Variants in PDCD6IP observed in about 807,000 individuals in gnomAD.
The protein encoded by PDCD6IP is programmed cell death 6-interacting protein.
PDCD6IP carries 43 observed loss-of-function variants against 103.7 expected under a neutral mutation model. The observed-to-expected ratio is 0.41, with a 90% CI of 0.32 to 0.53. PDCD6IP has a LOEUF of 0.53. PDCD6IP is among the 20% of genes least tolerant of loss of function. PDCD6IP has a pLI of 0.16. For missense variants in PDCD6IP, 871 were observed against 1,036.7 expected (o/e 0.84, Z 2.20); for synonymous variants, 354 against 378.7 (o/e 0.93, Z 0.76).
intron 3 of PDCD6IP, among the ~76,000 whole-genome samples, chr3:33,817,816 TA>T (rs1696888036): frequency 6.6e-6 from 1 of 151,854 alleles, no homozygotes; most frequent in Non-Finnish European, 1.5e-5. Context: ...AGAATACAGT[TA>T]AATACTTAGA....
intron 1 of PDCD6IP, among the ~76,000 whole-genome samples, chr3:33,802,361 GAC>G (rs1696494582): frequency 6.6e-6 from 1 of 152,158 alleles, no homozygotes; most frequent in African/African-American, 2.4e-5. Context: ...CAGCTAAAGG[GAC>G]ACAGTTTTGT....
chr3:33,813,286 TC>T (rs1217065380), intron 2 of PDCD6IP: 29 of 253,848 alleles, frequency 1.1e-4, no homozygotes, highest in Non-Finnish European at 1.3e-4. Flanking sequence ...CTTATTTTGT[TC>T]CGTTGAAGTC....
At position 33,841,781 on chromosome 3, in the gene PDCD6IP, G is replaced by A. The variant is rs183753874; in HGVS notation, c.1182-116G>A. 37 of 728,948 alleles carry A rather than the reference G, an allele frequency of 5.1e-5. No individual in the cohort carries two copies. The African/African-American group carries it at 5.8e-4, about 12-fold the overall frequency. The allele number at this position is 728,948 out of a possible 1,614,324, so 45.2% of individuals were successfully genotyped here. On this transcript the variant is annotated intron_variant, in intron 9 of 17. Transcript: ENST00000307296. ...GATAGGGCTTATCCAGTTTTTCTGG[G>A]TGCTAACTCCATTGCTGTTGATTTG...
At chr3:33,859,464 T>G (rs1023563895) in intron 15 of PDCD6IP, among the ~76,000 whole-genome samples, 1 of 151,360 alleles carries the variant, frequency 6.6e-6, no homozygotes, top group African/African-American at 2.5e-5. Flanking sequence ...CTAATTTACT[T>G]TATTTAGAAA....
intron 3 of PDCD6IP, among the ~76,000 whole-genome samples, chr3:33,821,589 A>G (rs1017587390): frequency 3.9e-5 from 6 of 152,300 alleles, no homozygotes; most frequent in African/African-American, 9.6e-5. Flanking sequence ...TGGTGGGACA[A>G]TGTGATTTTG....
chr3:33,824,539 G>A (rs144877746), intron 4 of PDCD6IP, among the ~76,000 whole-genome samples: 2,330 of 152,114 alleles, frequency 0.015, 25 homozygotes, highest in South Asian at 0.027. Flanking sequence ...ATTAACAGGC[G>A]TGAGCCACCG....
chr3:33,804,207 A>C (rs1159719930), intron 1 of PDCD6IP, among the ~76,000 whole-genome samples: 2 of 152,166 alleles, frequency 1.3e-5, no homozygotes. Context: ...GAACTCTCAC[A>C]AAGCTAGAGT....
intron 6 of PDCD6IP, chr3:33,827,153 A>G (rs1697145136): frequency 1.0e-6 from 1 of 984,818 alleles, no homozygotes; most frequent in African/African-American, 1.7e-5. Flanking sequence ...GTTTTAATGT[A>G]AACCTTTCTG....
At chr3:33,864,327 G>T (rs1472126751) in intron 16 of PDCD6IP, among the ~76,000 whole-genome samples, 198 bp downstream of exon 16, 1 of 152,138 alleles carries the variant, frequency 6.6e-6, no homozygotes, top group South Asian at 2.1e-4. Flanking sequence ...TAACCTGAAT[G>T]TAATCAAGCC....
chr3:33,819,021 T>C (rs1696927386), intron 3 of PDCD6IP, among the ~76,000 whole-genome samples: 1 of 152,168 alleles, frequency 6.6e-6, no homozygotes, highest in African/African-American at 2.4e-5. Context: ...TGAACACTTA[T>C]ATCTCCCTTA....
intron 3 of PDCD6IP, among the ~76,000 whole-genome samples, chr3:33,819,815 C>T (rs1575911133): frequency 6.6e-6 from 1 of 152,166 alleles, no homozygotes; most frequent in Admixed American, 6.5e-5. Context: ...TAATAGGGAG[C>T]TATTGTAGAT....
intron 3 of PDCD6IP, among the ~76,000 whole-genome samples, chr3:33,821,670 T>A (rs1404935985): frequency 6.6e-6 from 1 of 152,192 alleles, no homozygotes; most frequent in Non-Finnish European, 1.5e-5. Context: ...GAAAATGACT[T>A]TTACATTTGA....
chr3:33,803,847 A>C (rs1344901238), intron 1 of PDCD6IP, among the ~76,000 whole-genome samples: 1 of 151,514 alleles, frequency 6.6e-6, no homozygotes, highest in Non-Finnish European at 1.5e-5. Flanking sequence ...TTGATTGGTT[A>C]GTTTTCCATC....
At chr3:33,846,051 A>G (rs1444957257) in intron 12 of PDCD6IP, among the ~76,000 whole-genome samples, 1 of 152,196 alleles carries the variant, frequency 6.6e-6, no homozygotes, top group East Asian at 1.9e-4. Context: ...TGGTATTTCT[A>G]CTGATGACAG....
chr3:33,805,756 GT>G (rs1696582088), intron 1 of PDCD6IP, among the ~76,000 whole-genome samples: 1 of 146,416 alleles, frequency 6.8e-6, no homozygotes, highest in African/African-American at 2.5e-5. Context: ...TTCTTTTTTT[GT>G]TTTTTGAGAT....
In PDCD6IP at chr3:33,868,106, T is replaced by C. The variant is rs1053306337; in HGVS notation, c.*1581T>C. 1 of 152,210 alleles carries C rather than the reference T, an allele frequency of 6.6e-6. No individual in the cohort carries two copies. Among genetic ancestry groups the C allele is most frequent in the Non-Finnish European group, 1.5e-5 (1 of 68,040 alleles). The allele number at this position is 152,210 out of a possible 1,614,324, so 9.4% of individuals were successfully genotyped here. On this transcript the variant is annotated 3_prime_UTR_variant, in exon 18 of 18. Coordinates refer to ENST00000307296, the MANE Select transcript of PDCD6IP (RefSeq NM_013374.6). The stretch of plus-strand genomic sequence containing the variant: ...TCCAATAGTTAAACCTTAGCAAAAA[T>C]AGCTTTTTACTTCATCAGTTGCTAA...
intron 14 of PDCD6IP, 42 bp from the exon 15 acceptor site, chr3:33,855,124 A>C (rs779752396): frequency 7.9e-7 from 1 of 1,265,428 alleles, no homozygotes; most frequent in South Asian, 1.2e-5. Context: ...TGGATTAAAA[A>C]ATTGTTCTTG....
At position 33,869,329 on chromosome 3, in the gene PDCD6IP, C is replaced by T. The variant is rs1281232225; in HGVS notation, c.*2804C>T. 3 of 151,898 alleles carry T rather than the reference C, an allele frequency of 2.0e-5. No individual in the cohort carries two copies. The highest frequency in any genetic ancestry group is 7.3e-5 in the African/African-American group (3 of 41,336). 9.4% of individuals were successfully genotyped at this position (151,898 alleles called of 1,614,324 possible). A position where few individuals can be genotyped will look rare whatever the true frequency, so the allele number is the denominator to read the frequency against. ...CAAATGGCATCTCACTTTTTAAAGA[C>T]GTTTGCAATTATTAGTTGATTCACA... On this transcript the variant is annotated 3_prime_UTR_variant, in exon 18 of 18. Transcript: ENST00000307296.
In PDCD6IP at chr3:33,861,392, C is replaced by T. The variant is rs182833995; in HGVS notation, c.2121-2614C>T. 2.0e-3 allele frequency among the ~76,000 whole-genome samples: 297 copies of T among 152,284 alleles called. 2 individuals are homozygous for T. The highest frequency in any genetic ancestry group is 6.5e-3 in the African/African-American group (272 of 41,566). On this transcript the variant is annotated intron_variant, in intron 15 of 17. Coordinates refer to ENST00000307296, the MANE Select transcript of PDCD6IP (RefSeq NM_013374.6). Reference sequence around the variant, plus strand: ...TCCTGACCTCCTGATCCACCCGCCTCGGCCTCCCAAAGTGCTGGGATTACA... The same window carrying T: ...TCCTGACCTCCTGATCCACCCGCCTTGGCCTCCCAAAGTGCTGGGATTACA...
Sources: gnomAD v4.1 joint callset for allele counts (sites outside exome capture counted in the v4.1 genomes callset) on GRCh38, gnomAD v4.1.1 for gene constraint, MANE v1.5 for transcripts, NCBI Gene and HGNC (gene_info 2026-07-23, HGNC 2026-07-21) for gene names.